CACNB2: variants seen among roughly 807,000 people sequenced by gnomAD.
CACNB2 encodes the protein calcium voltage-gated channel auxiliary subunit beta 2, also known as voltage-dependent L-type calcium channel subunit beta-2.
In CACNB2, 42 loss-of-function variants were observed where a neutral mutation model predicts 73.3. The observed-to-expected ratio is 0.57, with a 90% CI of 0.45 to 0.74. The LOEUF is 0.74. Ranked by LOEUF, CACNB2 falls within the 30% of genes least tolerant of loss-of-function variation. The pLI is 0.00. For missense variants in CACNB2, 940 were observed against 853.0 expected, an observed-to-expected ratio of 1.10 and a Z score of -1.27; for synonymous variants, 348 against 310.3, an observed-to-expected ratio of 1.12 and a Z score of -1.28.
intron 3 of CACNB2, among the ~76,000 whole-genome samples, chr10:18,497,618 T>A (rs985063758): frequency 2.0e-5 from 3 of 151,974 alleles, no homozygotes; most frequent in Admixed American, 2.0e-4. Flanking sequence ...TGAGAAGAGG[T>A]CTTGCTATGT....
At chr10:18,515,085 C>A (rs748779141) in intron 7 of CACNB2, 7 of 1,452,734 alleles carry the variant, frequency 4.8e-6, no homozygotes, top group Non-Finnish European at 6.8e-6. Flanking sequence ...TCCCGATGTT[C>A]TTGCCTTCTC....
Position 18,540,047 on chromosome 10 carries a change from T to C in CACNB2, c.*323T>C, listed in dbSNP as rs933957027. The C allele has an allele frequency of 9.6e-5, 27 of 280,898 alleles. No homozygotes were observed. Among genetic ancestry groups the C allele is most frequent in the African/African-American group, 5.3e-4 (24 of 45,526 alleles). 17.4% of individuals were successfully genotyped at this position (280,898 alleles called of 1,614,324 possible). ...GATGTTAGTGTTTTAAGAAATGTAG[T>C]TGATGTATCCAACAAGCCAGAATCA... On this transcript the variant is annotated 3_prime_UTR_variant, in exon 14 of 14. Coordinates refer to ENST00000324631, the MANE Select transcript of CACNB2 (RefSeq NM_201596.3).
At chr10:18,488,147 T>C (rs2049170021) in intron 3 of CACNB2, among the ~76,000 whole-genome samples, 1 of 151,164 alleles carries the variant, frequency 6.6e-6, no homozygotes, top group Non-Finnish European at 1.5e-5. Context: ...GAAAAAGAGA[T>C]GTGAAGAGAG....
intron 2 of CACNB2, among the ~76,000 whole-genome samples, chr10:18,363,949 ATTTTTTTTTT>A (rs529275417): frequency 7.2e-6 from 1 of 139,232 alleles, no homozygotes; most frequent in Non-Finnish European, 1.6e-5. Flanking sequence ...AGGCAGTTTA[ATTTTTTTTTT>A]TTTTTTTTAG....
chr10:18,148,355 A>G (rs1438473357), intron 1 of CACNB2, among the ~76,000 whole-genome samples: 1 of 152,208 alleles, frequency 6.6e-6, no homozygotes, highest in Non-Finnish European at 1.5e-5. Flanking sequence ...TGTTTGGTGT[A>G]TAAACTATCT....
In CACNB2 at chr10:18,313,293, T is replaced by C. The variant is rs940594815; in HGVS notation, c.214-88631T>C. Among the ~76,000 whole-genome samples, 6 of 150,072 alleles carry C rather than the reference T, an allele frequency of 4.0e-5. 1 individual carries two copies. Among genetic ancestry groups the C allele is most frequent in the Admixed American group, 2.7e-4 (4 of 14,884 alleles). On this transcript the variant is annotated intron_variant, in intron 2 of 13. Transcript: ENST00000324631. ...TTCTCAGCCTCAGCACCGTGGCCATTTGGGGCTGGATATCTCGTTGCCGTG... is the reference window on the plus strand; with the variant it reads ...TTCTCAGCCTCAGCACCGTGGCCATCTGGGGCTGGATATCTCGTTGCCGTG...
intron 2 of CACNB2, among the ~76,000 whole-genome samples, chr10:18,255,600 G>C (rs1260001457): frequency 1.3e-5 from 2 of 152,186 alleles, no homozygotes; most frequent in Admixed American, 1.3e-4. Context: ...CGCACTTGAT[G>C]AGCAGCACTC....
chr10:18,443,349 G>A (rs1046898079), intron 3 of CACNB2, among the ~76,000 whole-genome samples: 2 of 151,864 alleles, frequency 1.3e-5, no homozygotes, highest in Non-Finnish European at 1.5e-5. Flanking sequence ...CCGGAGGCAC[G>A]TTTTCAGGTT....
intron 12 of CACNB2, among the ~76,000 whole-genome samples, chr10:18,536,686 A>G (rs1371270322): frequency 2.6e-5 from 4 of 152,154 alleles, no homozygotes; most frequent in African/African-American, 7.2e-5. Flanking sequence ...ATGTGTTTTG[A>G]GCACAAGTAA....
intron 2 of CACNB2, among the ~76,000 whole-genome samples, chr10:18,157,919 AT>A (rs141462321): frequency 6.6e-6 from 1 of 151,534 alleles, no homozygotes; most frequent in African/African-American, 2.4e-5. Flanking sequence ...AGGCATCATG[AT>A]TTTTTTTTAG....
chr10:18,535,028 C>CCCAA (rs1286337562), intron 11 of CACNB2, among the ~76,000 whole-genome samples: 1 of 152,126 alleles, frequency 6.6e-6, no homozygotes, highest in Non-Finnish European at 1.5e-5. Flanking sequence ...TTGCAAGCTT[C>CCCAA]CCAATAAAGT....
At position 18,539,677 on chromosome 10, in the gene CACNB2, C is replaced by G; in HGVS notation, c.1936C>G (p.Arg646Gly). 6.2e-7 allele frequency: 1 copy of G among 1,611,838 alleles called. No homozygotes were observed. Among genetic ancestry groups the G allele is most frequent in the Non-Finnish European group, 8.5e-7 (1 of 1,179,606 alleles). ...EKDGEVISKK[R>G]NEAGEWNRDV... The stretch of plus-strand genomic sequence containing the variant: ...GGATGGAGAAGTGATATCAAAAAAA[C>G]GGAATGAGGCTGGGGAGTGGAACAG... Residue 646 changes from arginine to glycine, a missense_variant, in exon 14 of 14, where the codon CGG (arginine) becomes GGG (glycine). Physicochemically the swap from Arg to Gly is moderately radical, Grantham distance 125. Coordinates refer to ENST00000324631, the MANE Select transcript of CACNB2 (RefSeq NM_201596.3).
At chr10:18,403,460 A>G (rs933801952) in intron 3 of CACNB2, among the ~76,000 whole-genome samples, 2 of 152,186 alleles carry the variant, frequency 1.3e-5, no homozygotes, top group African/African-American at 4.8e-5. Flanking sequence ...AGATTGTTCT[A>G]TTTGCGGCTA....
intron 3 of CACNB2, among the ~76,000 whole-genome samples, chr10:18,443,932 C>G (rs915703382): frequency 1.3e-5 from 2 of 152,128 alleles, no homozygotes; most frequent in African/African-American, 4.8e-5. Flanking sequence ...CCAGACTAGT[C>G]TTGAATGCCT....
chr10:18,321,076 G>A (rs537224070), intron 2 of CACNB2, among the ~76,000 whole-genome samples: 2 of 152,126 alleles, frequency 1.3e-5, no homozygotes, highest in Non-Finnish European at 2.9e-5. Context: ...TGCAGTCCAG[G>A]AAGAAAATGT....
chr10:18,146,258 T>C (rs2030962817), intron 1 of CACNB2, among the ~76,000 whole-genome samples: 1 of 151,830 alleles, frequency 6.6e-6, no homozygotes, highest in South Asian at 2.1e-4. Flanking sequence ...GTCTGGAAAT[T>C]CAAAGGGATA....
In CACNB2 at chr10:18,483,207, A is replaced by G. The variant is rs183607912; in HGVS notation, c.334-15148A>G. Among the ~76,000 whole-genome samples the G allele has an allele frequency of 2.9e-3, 444 of 151,712 alleles. 2 individuals are homozygous for G. The highest frequency in any genetic ancestry group is 4.7e-3 in the Non-Finnish European group (321 of 67,918). ...AACATTTGGTTTGGGTCATGGGGAC[A>G]CTCAGCTCAATCATTTTCGTTTAAA... On this transcript the variant is annotated intron_variant, in intron 3 of 13. Coordinates refer to ENST00000324631, the MANE Select transcript of CACNB2 (RefSeq NM_201596.3).
intron 3 of CACNB2, among the ~76,000 whole-genome samples, chr10:18,495,363 T>C (rs1362070529): frequency 2.0e-5 from 3 of 151,504 alleles, no homozygotes; most frequent in Non-Finnish European, 4.4e-5. Context: ...GGGATTACAG[T>C]CATGTGCCAC....
Position 18,496,814 on chromosome 10 carries a change from C to CAAA in CACNB2, c.334-1523_334-1521dup, listed in dbSNP as rs905870687. 3.3e-3 allele frequency among the ~76,000 whole-genome samples: 147 copies of CAAA among 45,080 alleles called. 4 individuals carry two copies. The highest frequency in any genetic ancestry group is 8.2e-3 in the African/African-American group (108 of 13,202). The allele number at this position is 45,080 out of a possible 152,430, so 29.6% of individuals were successfully genotyped here. ...GGGCAACAAGAGCGAAACTCCGCCT[C>CAAA]AAAAAAAAAAAAAAAAAAAAGGAAA... On this transcript the variant is annotated intron_variant, in intron 3 of 13. Coordinates refer to ENST00000324631, the MANE Select transcript of CACNB2 (RefSeq NM_201596.3).
Sources: gnomAD v4.1 joint callset for allele counts (sites outside exome capture counted in the v4.1 genomes callset) on GRCh38, gnomAD v4.1.1 for gene constraint, MANE v1.5 for transcripts, NCBI Gene and HGNC (gene_info 2026-07-23, HGNC 2026-07-21) for gene names.